Variants in CAP2 observed in about 807,000 individuals in gnomAD.
CAP2 encodes cyclase associated actin cytoskeleton regulatory protein 2.
A neutral mutation model predicts 57.7 loss-of-function variants in CAP2; 24 were observed. That is an observed-to-expected ratio of 0.42 (90% CI 0.30 to 0.58). The LOEUF (loss-of-function observed/expected upper bound fraction) is 0.58, where lower values mean the gene tolerates loss of function less well. Among genes scored for constraint, CAP2 ranks in the 20% least tolerant of loss-of-function variants. The pLI is 0.22. For synonymous variants in CAP2, 194 were observed against 207.2 expected, an observed-to-expected ratio of 0.94 and a Z score of 0.55; for missense variants, 501 against 590.3, an observed-to-expected ratio of 0.85 and a Z score of 1.57.
rs1763332882 is a variant in CAP2 at position 17,557,154 on chromosome 6, A to AT, written c.*714dup. ...CATAAGAGATTCTTATGCCAAAAAC[A>AT]TTAAACAGAAGAAATCATTTTTTTT... On this transcript the variant is annotated 3_prime_UTR_variant, in exon 13 of 13. Transcript: ENST00000229922. 8.1e-6 allele frequency: 1 copy of AT among 123,532 alleles called. No individual in the cohort carries two copies. The highest frequency in any genetic ancestry group is 1.7e-5 in the Non-Finnish European group (1 of 59,222). 7.7% of individuals were successfully genotyped at this position (123,532 alleles called of 1,614,324 possible).
chr6:17,523,734 A>G (rs573666612), intron 7 of CAP2, among the ~76,000 whole-genome samples: 5 of 152,336 alleles, frequency 3.3e-5, no homozygotes, highest in Non-Finnish European at 7.3e-5. Flanking sequence ...CATGTTTACC[A>G]TGTTATTAGT....
rs1763339830 is a variant in CAP2 at position 17,557,427 on chromosome 6, T to C, written c.*985T>C. 1 of 152,200 alleles carries C rather than the reference T, an allele frequency of 6.6e-6. No individual in the cohort carries two copies. The highest frequency in any genetic ancestry group is 2.1e-4 in the South Asian group (1 of 4,836). The allele number at this position is 152,200 out of a possible 1,614,324, so 9.4% of individuals were successfully genotyped here. A position where few individuals can be genotyped will look rare whatever the true frequency, so the allele number is the denominator to read the frequency against. ...GGTTTGGCTTGCTGCTCCTATTTTGTAGTCTTGATAGTAGATGCTTCTTCA... is the reference window on the plus strand; with the variant it reads ...GGTTTGGCTTGCTGCTCCTATTTTGCAGTCTTGATAGTAGATGCTTCTTCA... On this transcript the variant is annotated 3_prime_UTR_variant, in exon 13 of 13. Coordinates refer to ENST00000229922, the MANE Select transcript of CAP2 (RefSeq NM_006366.3).
intron 3 of CAP2, among the ~76,000 whole-genome samples, chr6:17,452,346 G>A (rs1003373483): frequency 5.3e-5 from 8 of 152,126 alleles, no homozygotes; most frequent in Non-Finnish European, 1.5e-5. Flanking sequence ...ATAAGTTTTC[G>A]CACAAGCAGA....
At chr6:17,461,788 C>T (rs1339219747) in intron 3 of CAP2, among the ~76,000 whole-genome samples, 5 of 149,828 alleles carry the variant, frequency 3.3e-5, no homozygotes, top group South Asian at 4.3e-4. Flanking sequence ...GTCAGGAGAT[C>T]GAGACCATCC....
At chr6:17,552,110 C>T (rs915555568) in intron 12 of CAP2, among the ~76,000 whole-genome samples, 2 of 152,100 alleles carry the variant, frequency 1.3e-5, no homozygotes, top group Non-Finnish European at 2.9e-5. Flanking sequence ...AGAGTAAGGC[C>T]CAGGAATCCA....
At chr6:17,397,490 C>A (rs1001838265) in intron 1 of CAP2, among the ~76,000 whole-genome samples, 2 of 151,840 alleles carry the variant, frequency 1.3e-5, no homozygotes, top group South Asian at 4.2e-4. Context: ...GTCAGGAGAT[C>A]GAGACCATCC....
At chr6:17,407,514 C>T (rs559109358) in intron 1 of CAP2, among the ~76,000 whole-genome samples, 49 of 150,960 alleles carry the variant, frequency 3.2e-4, no homozygotes, top group Non-Finnish European at 3.5e-4. Context: ...CATTGCCTCA[C>T]GCCTGTAATC....
rs1005116366 is a variant in CAP2, at chr6:17,496,200, A to G, written c.301-10969A>G. Among the ~76,000 whole-genome samples the G allele has an allele frequency of 2.6e-5, 4 of 152,316 alleles. No homozygotes were observed. In the South Asian group the frequency reaches 8.3e-4, roughly 32 times the overall value. ...TGAAGCTACCCCACAGGCCTCTTATAGCAGCATCTCCCTGGGTCTATTCAC... is the reference window on the plus strand; with the variant it reads ...TGAAGCTACCCCACAGGCCTCTTATGGCAGCATCTCCCTGGGTCTATTCAC... On this transcript the variant is annotated intron_variant, in intron 4 of 12. Coordinates refer to ENST00000229922, the MANE Select transcript of CAP2 (RefSeq NM_006366.3).
intron 11 of CAP2, among the ~76,000 whole-genome samples, chr6:17,546,288 G>A (rs957514124): frequency 2.0e-5 from 3 of 152,142 alleles, no homozygotes; most frequent in Non-Finnish European, 4.4e-5. Context: ...TTTCTCTGAT[G>A]GCCAGTGATG....
intron 4 of CAP2, among the ~76,000 whole-genome samples, chr6:17,472,488 A>C (rs1281497668): frequency 1.3e-5 from 2 of 152,270 alleles, no homozygotes; most frequent in Non-Finnish European, 2.9e-5. Flanking sequence ...TATGTAGTAT[A>C]GGTAAAAACC....
At chr6:17,496,035 G>GGGGT (rs1016471391) in intron 4 of CAP2, among the ~76,000 whole-genome samples, 2 of 130,658 alleles carry the variant, frequency 1.5e-5, no homozygotes, top group Non-Finnish European at 3.2e-5. Flanking sequence ...GGTGGGGGGG[G>GGGGT]GGGGTAAGTC....
intron 7 of CAP2, chr6:17,536,270 T>A: frequency 2.2e-6 from 1 of 456,714 alleles, no homozygotes; most frequent in Non-Finnish European, 4.4e-6. Flanking sequence ...GATAAGTGAC[T>A]TTGCAAGGGG....
At chr6:17,437,254 G>C (rs912682942) in intron 3 of CAP2, among the ~76,000 whole-genome samples, 3 of 151,972 alleles carry the variant, frequency 2.0e-5, no homozygotes, top group African/African-American at 7.3e-5. Flanking sequence ...AAAAAGGTTG[G>C]GGACCACTGG....
chr6:17,447,253 C>T (rs1760285626), intron 3 of CAP2, among the ~76,000 whole-genome samples: 1 of 151,852 alleles, frequency 6.6e-6, no homozygotes, highest in South Asian at 2.1e-4. Flanking sequence ...CTCCTGGTCT[C>T]AAGCAGTCCT....
rs1268998962 is a variant in CAP2 at position 17,555,256 on chromosome 6, G to A, written c.1351-1103G>A. ...GTTGCCCAGGCTGGAGTGCAATGGC[G>A]CAATCTCGGCTCACCACAAGCTCTG... On this transcript the variant is annotated intron_variant, in intron 12 of 12. Transcript: ENST00000229922. Among the ~76,000 whole-genome samples, 4 of 151,112 alleles carry A rather than the reference G, an allele frequency of 2.6e-5. No individual in the cohort carries two copies. The South Asian group carries it at 6.3e-4, about 24-fold the overall frequency.
chr6:17,521,388 A>G (rs2113675593), intron 7 of CAP2, among the ~76,000 whole-genome samples: 1 of 152,130 alleles, frequency 6.6e-6, no homozygotes, highest in East Asian at 1.9e-4. Context: ...ACTGCACTCC[A>G]GCCTGGGCCA....
intron 7 of CAP2, among the ~76,000 whole-genome samples, chr6:17,530,127 G>C (rs192580450): frequency 1.3e-5 from 2 of 152,296 alleles, no homozygotes; most frequent in East Asian, 3.9e-4. Flanking sequence ...CAGCTAGAGT[G>C]CAGTGGTGCC....
chr6:17,529,651 A>AAAAAAAATATATATAT (rs10656588), intron 7 of CAP2, among the ~76,000 whole-genome samples: 3 of 134,540 alleles, frequency 2.2e-5, no homozygotes, highest in African/African-American at 8.8e-5. Context: ...AAAAAAAAAA[A>AAAAAAAATATATATAT]ATATATATAT....
At position 17,438,674 on chromosome 6, in the gene CAP2, T is replaced by C. The variant is rs532161138; in HGVS notation, c.222+11984T>C. Among the ~76,000 whole-genome samples, 1,109 of 148,030 alleles carry C rather than the reference T, an allele frequency of 7.5e-3. 15 individuals carry two copies. The highest frequency in any genetic ancestry group is 0.013 in the Non-Finnish European group (847 of 67,350). ...CAGGATGGTCTCAATCTCCTGACCTTGTGATCCGCCCACCTCGGCCTCCCA... is the reference window on the plus strand; with the variant it reads ...CAGGATGGTCTCAATCTCCTGACCTCGTGATCCGCCCACCTCGGCCTCCCA... On this transcript the variant is annotated intron_variant, in intron 3 of 12. Transcript: ENST00000229922.
Sources: allele counts gnomAD v4.1 joint callset (sites outside exome capture counted in the v4.1 genomes callset), GRCh38; gene constraint gnomAD v4.1.1; transcripts MANE v1.5; gene names NCBI Gene and HGNC (gene_info 2026-07-23, HGNC 2026-07-21).